The following TACC2 variants were observed in gnomAD, a reference collection of about 807,000 sequenced individuals.
TACC2 encodes the protein transforming acidic coiled-coil containing protein 2, also known as transforming acidic coiled-coil-containing protein 2.
Under a neutral mutation model 227.3 loss-of-function variants are expected in TACC2, and 137 were observed. That is an observed-to-expected ratio of 0.60 (90% CI 0.52 to 0.69). The LOEUF is 0.69. TACC2 is among the 30% of genes least tolerant of loss of function. The pLI, the probability that TACC2 is intolerant of heterozygous loss-of-function variation, is 0.00. For missense variants in TACC2, 3,470 were observed against 3,694.4 expected (o/e 0.94, Z 1.57); for synonymous variants, 1,523 against 1,487.5 (o/e 1.02, Z -0.55).
chr10:122,021,904 TCACAG>T, intron 1 of TACC2, 28 bp from the exon 2 acceptor site: 2 of 1,359,054 alleles, frequency 1.5e-6, no homozygotes, highest in Admixed American at 1.7e-5. Context: ...TTTTTTCATT[TCACAG>T]ACGTTTATAC....
intron 6 of TACC2, among the ~76,000 whole-genome samples, chr10:122,136,194 A>G (rs2089596310): frequency 6.6e-6 from 1 of 152,170 alleles, no homozygotes; most frequent in Non-Finnish European, 1.5e-5. Context: ...GTGTCTCCTA[A>G]TTCAGGGTTC....
chr10:122,165,346 C>T (rs1045294209), intron 7 of TACC2, among the ~76,000 whole-genome samples: 4 of 152,146 alleles, frequency 2.6e-5, no homozygotes, highest in African/African-American at 7.2e-5. Flanking sequence ...CCAACTCTCA[C>T]GGCTCAGACC....
intron 5 of TACC2, among the ~76,000 whole-genome samples, chr10:122,128,036 C>G (rs771142725): frequency 1.3e-5 from 2 of 152,114 alleles, no homozygotes; most frequent in African/African-American, 2.4e-5. Flanking sequence ...AAGCAGAGAA[C>G]TGCAAGGCAG....
At chr10:122,012,678 T>G (rs1956095705) in intron 1 of TACC2, among the ~76,000 whole-genome samples, 1 of 152,008 alleles carries the variant, frequency 6.6e-6, no homozygotes, top group Admixed American at 6.6e-5. Flanking sequence ...GCTACCACCC[T>G]TAAGCCTGGG....
At chr10:122,182,788 C>T (rs1319746694) in intron 7 of TACC2, among the ~76,000 whole-genome samples, 2 of 151,944 alleles carry the variant, frequency 1.3e-5, no homozygotes, top group African/African-American at 4.8e-5. Context: ...GGGGGCATGG[C>T]GTGGAGAAAG....
At chr10:122,217,629 G>T (rs1228996226) in intron 11 of TACC2, among the ~76,000 whole-genome samples, 1 of 151,750 alleles carries the variant, frequency 6.6e-6, no homozygotes, top group Non-Finnish European at 1.5e-5. Flanking sequence ...TAGTAGAAAC[G>T]GGGTTTCACC....
chr10:122,019,222 A>G (rs544597440), intron 1 of TACC2, among the ~76,000 whole-genome samples: 2 of 152,326 alleles, frequency 1.3e-5, no homozygotes, highest in African/African-American at 4.8e-5. Flanking sequence ...GCTACTTTTT[A>G]TGACCTCACT....
chr10:122,180,077 G>A lies in TACC2; in HGVS notation c.5835-14963G>A, dbSNP rs2093916396. ...TCCAGCCTGGGCAACAGAGTGAGAC[G>A]GTGTCTCCAAAAAAACAGGCGAGTC... On this transcript the variant is annotated intron_variant, in intron 7 of 22. Coordinates refer to ENST00000369005, the MANE Select transcript of TACC2 (RefSeq NM_206862.4). The surrounding 1 kb of genome is among the most constrained non-coding windows in gnomAD (Gnocchi z 4.5). Among the ~76,000 whole-genome samples the A allele has an allele frequency of 6.6e-6, 1 of 151,150 alleles. No homozygotes were observed. Among genetic ancestry groups the A allele is most frequent in the Non-Finnish European group, 1.5e-5 (1 of 67,860 alleles).
At chr10:122,242,144 T>C in intron 19 of TACC2, 143 bp downstream of exon 19, 4 of 787,890 alleles carry the variant, frequency 5.1e-6, no homozygotes, top group South Asian at 4.4e-5. Context: ...CCAGAAAATA[T>C]GGCTTTGCCC....
chr10:122,143,414 T>G (rs1025857245), intron 6 of TACC2, among the ~76,000 whole-genome samples, 158 bp from the exon 7 acceptor site: 2 of 111,300 alleles, frequency 1.8e-5, no homozygotes, highest in African/African-American at 3.4e-5. Context: ...TGTGCAGAAG[T>G]GGAGGCCTGG....
At chr10:122,126,752 T>A (rs1399931629) in intron 5 of TACC2, 2 of 152,204 alleles carry the variant, frequency 1.3e-5, no homozygotes, top group Non-Finnish European at 2.9e-5. Context: ...TGAAGCACTT[T>A]GCTTGATTCA....
At chr10:122,029,535 G>C (rs1462084502) in intron 2 of TACC2, among the ~76,000 whole-genome samples, 3 of 152,128 alleles carry the variant, frequency 2.0e-5, no homozygotes, top group Admixed American at 2.0e-4. Flanking sequence ...CTCCTGTTCT[G>C]TTTTCTAGAA....
At chr10:122,105,022 A>G (rs1044526729) in intron 5 of TACC2, among the ~76,000 whole-genome samples, 2 of 152,164 alleles carry the variant, frequency 1.3e-5, no homozygotes, top group Non-Finnish European at 2.9e-5. Context: ...TTGATAAGTG[A>G]CTTTGAATAA....
intron 2 of TACC2, among the ~76,000 whole-genome samples, chr10:122,047,214 G>A (rs920154443): frequency 1.4e-5 from 2 of 141,466 alleles, no homozygotes; most frequent in South Asian, 2.3e-4. Flanking sequence ...GCTTGAATCC[G>A]GGAAGCACAG....
intron 7 of TACC2, among the ~76,000 whole-genome samples, chr10:122,172,843 G>A (rs1264216088): frequency 1.3e-5 from 2 of 152,126 alleles, no homozygotes; most frequent in African/African-American, 4.8e-5. Flanking sequence ...AGGGCAGGGG[G>A]TGAGGGGCAG....
In TACC2 at chr10:122,158,650, G is replaced by A. The variant is rs563794332; in HGVS notation, c.5834+14944G>A. On this transcript the variant is annotated intron_variant, in intron 7 of 22. Coordinates refer to ENST00000369005, the MANE Select transcript of TACC2 (RefSeq NM_206862.4). ...GGTGAAGGTGGTAGAAAGAGATGCC[G>A]TAAATAGATCAGCCCTTTGCAAGGA... Among the ~76,000 whole-genome samples, 60 of 152,264 alleles carry A rather than the reference G, an allele frequency of 3.9e-4. No homozygotes were observed. The Middle Eastern group carries it at 0.024, about 61-fold the overall frequency.
chr10:122,146,112 G>A (rs1391233494), intron 7 of TACC2, among the ~76,000 whole-genome samples: 1 of 152,114 alleles, frequency 6.6e-6, no homozygotes, highest in Non-Finnish European at 1.5e-5. Context: ...GGATGGATGC[G>A]ACCCACAACC....
At chr10:122,109,494 T>C in intron 5 of TACC2, among the ~76,000 whole-genome samples, 1 of 152,282 alleles carries the variant, frequency 6.6e-6, no homozygotes, top group South Asian at 2.1e-4. Context: ...TCCCACAGCC[T>C]GGGGTTCGTG....
chr10:122,025,042 G>C (rs1957810550), intron 2 of TACC2, among the ~76,000 whole-genome samples: 1 of 152,164 alleles, frequency 6.6e-6, no homozygotes, highest in South Asian at 2.1e-4. Context: ...ACGTATGAGG[G>C]ATCTGGTCTT....
Sources: gnomAD v4.1 joint callset for allele counts (sites outside exome capture counted in the v4.1 genomes callset) on GRCh38, gnomAD v4.1.1 for gene constraint, Gnocchi (gnomAD v3.1) non-coding constraint, MANE v1.5 for transcripts, NCBI Gene and HGNC (gene_info 2026-07-23, HGNC 2026-07-21) for gene names.